The following NLRP5 variants were observed in gnomAD, a reference collection of about 807,000 sequenced individuals.
NLRP5 encodes the protein NLR family pyrin domain containing 5, also known as NACHT, LRR and PYD domains-containing protein 5.
NLRP5 carries 93 observed loss-of-function variants against 113.1 expected under a neutral mutation model. That is an observed-to-expected ratio of 0.82 (90% CI 0.70 to 0.98). NLRP5 has a LOEUF of 0.98. Among genes scored for constraint, NLRP5 ranks in the 50% least tolerant of loss-of-function variants. The probability of loss-of-function intolerance (pLI) is 0.00; values close to 1 mark genes in which losing one functional copy is unlikely to be tolerated. For synonymous variants in NLRP5, 751 were observed against 600.7 expected (o/e 1.25, Z -3.66); for missense variants, 1,808 against 1,514.3 (o/e 1.19, Z -3.22).
At chr19:56,041,918 C>T (rs1983537161) in intron 11 of NLRP5, among the ~76,000 whole-genome samples, 1 of 152,172 alleles carries the variant, frequency 6.6e-6, no homozygotes, top group Admixed American at 6.5e-5. Context: ...GAGATTGTGC[C>T]ATTGCACGCC....
chr19:56,001,465 T>A (rs1981649742), intron 1 of NLRP5, among the ~76,000 whole-genome samples: 1 of 150,264 alleles, frequency 6.7e-6, no homozygotes, highest in Non-Finnish European at 1.5e-5. Context: ...ATTTTATAAT[T>A]TATCTTCTGA....
chr19:56,006,915 A>T (rs1981939332), intron 2 of NLRP5, among the ~76,000 whole-genome samples: 2 of 150,694 alleles, frequency 1.3e-5, no homozygotes, highest in African/African-American at 4.9e-5. Flanking sequence ...AATTTTTTGT[A>T]TTTTTAGTAG....
chr19:56,043,788 A>G (rs1356730743), intron 11 of NLRP5, among the ~76,000 whole-genome samples: 3 of 151,610 alleles, frequency 2.0e-5, no homozygotes, highest in Non-Finnish European at 4.4e-5. Flanking sequence ...CACGTTAGCC[A>G]GGATGGTCTC....
intron 11 of NLRP5, among the ~76,000 whole-genome samples, chr19:56,046,399 CGT>C (rs139653516): frequency 0.14 from 20,822 of 148,010 alleles, 2,005 homozygotes; most frequent in African/African-American, 0.27. Context: ...TTTGTAGTTT[CGT>C]GTGTGTGTGT....
At position 56,055,533 on chromosome 19, in the gene NLRP5, CTGTCTTT is replaced by C. The variant is rs1233076628; in HGVS notation, c.3299+1727_3299+1733del. The stretch of plus-strand genomic sequence containing the variant: ...AGCTCCATGTTCTATTTTTCTTTCT[CTGTCTTT>C]TTTTTTTTTTTTTTTTTTTTTTTAA... On this transcript the variant is annotated intron_variant, in intron 13 of 14. Coordinates refer to ENST00000390649, the MANE Select transcript of NLRP5 (RefSeq NM_153447.4). Among the ~76,000 whole-genome samples the C allele has an allele frequency of 6.1e-3, 609 of 99,530 alleles. 28 individuals are homozygous for C. Among genetic ancestry groups the C allele is most frequent in the South Asian group, 0.058 (176 of 3,054 alleles). 65.3% of individuals were successfully genotyped at this position (99,530 alleles called of 152,430 possible). A position where few individuals can be genotyped will look rare whatever the true frequency, so the allele number is the denominator to read the frequency against.
At chr19:55,988,807 A>G in the NLRP5 span, among the ~76,000 whole-genome samples, 1 of 152,096 alleles carries the variant, frequency 6.6e-6, no homozygotes. Flanking sequence ...TTCTTTCTCA[A>G]ATAACCTTCC....
At chr19:56,032,964 G>C (rs1272256080) in intron 8 of NLRP5, among the ~76,000 whole-genome samples, 183 bp downstream of exon 8, 1 of 152,094 alleles carries the variant, frequency 6.6e-6, no homozygotes, top group African/African-American at 2.4e-5. Flanking sequence ...CCTTGTGATC[G>C]GCCGGGCGCA....
chr19:56,047,733 C>T (rs306434), intron 11 of NLRP5, among the ~76,000 whole-genome samples: 101,040 of 152,064 alleles, frequency 0.66, 34,175 homozygotes, highest in Non-Finnish European at 0.7. Context: ...TATAGATCTG[C>T]TATGTCCATT....
intron 5 of NLRP5, among the ~76,000 whole-genome samples, chr19:56,020,131 C>A (rs1249220576): frequency 6.6e-6 from 1 of 151,934 alleles, no homozygotes; most frequent in Non-Finnish European, 1.5e-5. Context: ...CACGCCCGAC[C>A]TACCCCTCAT....
At chr19:56,058,113 TTTTTTGTTTG>T in intron 13 of NLRP5, 117 bp from the exon 14 acceptor site, 1 of 771,662 alleles carries the variant, frequency 1.3e-6, no homozygotes, top group Non-Finnish European at 2.0e-6. Flanking sequence ...ACCAGTTTCA[TTTTTTGTTTG>T]TTTTTGTTTT....
At position 56,027,900 on chromosome 19, in the gene NLRP5, T is replaced by G; in HGVS notation, c.1667T>G (p.Leu556Arg). Residue 556 changes from leucine to arginine, a missense_variant, in exon 7 of 15, where the codon CTC becomes CGC. By Grantham distance (102) the Leu-to-Arg change is moderately radical. Coordinates refer to ENST00000390649, the MANE Select transcript of NLRP5 (RefSeq NM_153447.4). ...GGTGACGACCTCATGGTTCAAGGAC[T>G]CGGGGAGTCTGAGCTCCGTGCTCTG... 2 of 1,613,858 alleles carry G rather than the reference T, an allele frequency of 1.2e-6. No homozygotes were observed. The highest frequency in any genetic ancestry group is 1.7e-6 in the Non-Finnish European group (2 of 1,179,832).
intron 12 of NLRP5, among the ~76,000 whole-genome samples, chr19:56,051,516 T>C (rs1983931585): frequency 6.6e-6 from 1 of 152,142 alleles, no homozygotes; most frequent in Admixed American, 6.6e-5. Context: ...ATTCTTAACA[T>C]GTGGCAGGCA....
At chr19:56,020,233 CTG>C in intron 5 of NLRP5, 140 bp from the exon 6 acceptor site, 1 of 899,884 alleles carries the variant, frequency 1.1e-6, no homozygotes. Context: ...CCAGTGCACT[CTG>C]TCTTCTAGTT....
chr19:56,014,248 A>G (rs115924327), intron 3 of NLRP5, among the ~76,000 whole-genome samples: 16,599 of 152,074 alleles, frequency 0.11, 1,175 homozygotes, highest in African/African-American at 0.18. Flanking sequence ...TTGGGAGGCC[A>G]AGGCGGTGGA....
chr19:56,037,188 G>A (rs1983348415), intron 9 of NLRP5, among the ~76,000 whole-genome samples: 1 of 152,124 alleles, frequency 6.6e-6, no homozygotes, highest in African/African-American at 2.4e-5. Flanking sequence ...CTGGCTCGTG[G>A]GGTAGCTGTG....
chr19:55,998,692 A>ATATATGTGTGTGTGTG (rs1981443869), upstream of NLRP5, among the ~76,000 whole-genome samples: 1 of 51,536 alleles, frequency 1.9e-5, no homozygotes, highest in African/African-American at 6.4e-5. Context: ...ATATATATAT[A>ATATATGTGTGTGTGTG]TATATATATA....
chr19:56,034,217 C>T (rs1983230219), intron 9 of NLRP5, among the ~76,000 whole-genome samples: 1 of 152,168 alleles, frequency 6.6e-6, no homozygotes, highest in African/African-American at 2.4e-5. Flanking sequence ...GGTGAAACTC[C>T]ATCTCTACCA....
At chr19:56,043,398 A>G (rs901000684) in intron 11 of NLRP5, among the ~76,000 whole-genome samples, 30 of 151,802 alleles carry the variant, frequency 2.0e-4, no homozygotes, top group African/African-American at 7.0e-4. Context: ...CCATTTGTAT[A>G]TCTTGAGAAT....
intron 6 of NLRP5, among the ~76,000 whole-genome samples, chr19:56,022,485 T>A (rs557910931): frequency 1.3e-5 from 2 of 152,220 alleles, no homozygotes; most frequent in South Asian, 4.1e-4. Flanking sequence ...CATCTCAGCA[T>A]CCCAATGCAC....
Sources: allele counts gnomAD v4.1 joint callset (sites outside exome capture counted in the v4.1 genomes callset), GRCh38; gene constraint gnomAD v4.1.1; transcripts MANE v1.5; gene names NCBI Gene and HGNC (gene_info 2026-07-23, HGNC 2026-07-21).